KIF3A: variants seen among roughly 807,000 people sequenced by gnomAD.
KIF3A encodes kinesin family member 3A.
A neutral mutation model predicts 92.6 loss-of-function variants in KIF3A; 27 were observed. The observed-to-expected ratio is 0.29, with a 90% CI of 0.21 to 0.40. The LOEUF (loss-of-function observed/expected upper bound fraction) is 0.40, where lower values mean the gene tolerates loss of function less well. Among genes scored for constraint, KIF3A ranks in the 10% least tolerant of loss-of-function variants. The pLI is 1.00. For synonymous variants in KIF3A, 250 were observed against 275.4 expected (o/e 0.91, Z 0.92); for missense variants, 581 against 872.6 (o/e 0.67, Z 4.21).
intron 4 of KIF3A, among the ~76,000 whole-genome samples, chr5:132,724,802 AAAAAAT>A (rs1753954086): frequency 9.0e-5 from 3 of 33,324 alleles, no homozygotes; most frequent in Admixed American, 3.5e-4. Flanking sequence ...TAAAAAAAAA[AAAAAAT>A]ATATATATAT....
intron 1 of KIF3A, among the ~76,000 whole-genome samples, chr5:132,735,034 C>G (rs115715171): frequency 2.0e-5 from 3 of 151,980 alleles, no homozygotes; most frequent in African/African-American, 7.3e-5. Context: ...TATTACCTAA[C>G]CTTATAAGCA....
At chr5:132,700,104 G>T in intron 17 of KIF3A, 112 bp downstream of exon 17, 2 of 657,298 alleles carry the variant, frequency 3.0e-6, no homozygotes, top group Non-Finnish European at 5.2e-6. Flanking sequence ...CCATTTTTCA[G>T]CAGAGCTGAT....
chr5:132,735,326 C>T (rs1029449581), intron 1 of KIF3A, among the ~76,000 whole-genome samples: 7 of 152,148 alleles, frequency 4.6e-5, no homozygotes, highest in African/African-American at 1.7e-4. Context: ...CCACCCACCT[C>T]GGCCTCCCAA....
rs558637552 is a variant in KIF3A at position 132,713,998 on chromosome 5, G to C, written c.1129+1759C>G. ...TGCCACCTCCACCTTCCAGGTTCAA[G>C]TGATCCTCCTGCCTCAGCCTCCCAA... is the stretch of plus-strand genomic sequence containing the variant. On this transcript the variant is annotated intron_variant, in intron 8 of 18. Transcript: ENST00000403231. Among the ~76,000 whole-genome samples, 3 of 141,226 alleles carry C rather than the reference G, an allele frequency of 2.1e-5. No homozygotes were observed. The Admixed American group carries it at 2.3e-4, about 11-fold the overall frequency. The allele number at this position is 141,226 out of a possible 152,430, so 92.6% of individuals were successfully genotyped here. A position where few individuals can be genotyped will look rare whatever the true frequency, so the allele number is the denominator to read the frequency against.
In KIF3A at chr5:132,696,437, C is replaced by T. The variant is rs1050963276; in HGVS notation, c.*197G>A. The T allele has an allele frequency of 1.9e-5, 10 of 523,796 alleles. No homozygotes were observed. Among genetic ancestry groups the T allele is most frequent in the African/African-American group, 1.7e-4 (9 of 52,442 alleles). 32.4% of individuals were successfully genotyped at this position (523,796 alleles called of 1,614,324 possible). A position where few individuals can be genotyped will look rare whatever the true frequency, so the allele number is the denominator to read the frequency against. ...AGTAGTACAACAATTTGAACAATCA[C>T]CAGTTGTACAATTTTAATGTTATAT... On this transcript the variant is annotated 3_prime_UTR_variant, in exon 19 of 19. Coordinates refer to ENST00000403231, the MANE Select transcript of KIF3A (RefSeq NM_001300791.2).
intron 1 of KIF3A, chr5:132,736,881 C>A: frequency 2.6e-6 from 1 of 378,798 alleles, no homozygotes; most frequent in Non-Finnish European, 5.3e-6. Flanking sequence ...CATAACACCG[C>A]CACACACACA....
At chr5:132,727,859 C>T (rs189359950) in intron 2 of KIF3A, among the ~76,000 whole-genome samples, 81 of 152,242 alleles carry the variant, frequency 5.3e-4, no homozygotes, top group Middle Eastern at 3.4e-3. Flanking sequence ...GAAAACGGTT[C>T]CTCAACTAAT....
At chr5:132,689,384 G>A (rs970822445), downstream of KIF3A, among the ~76,000 whole-genome samples, 7 of 152,118 alleles carry the variant, frequency 4.6e-5, no homozygotes, top group Admixed American at 2.0e-4. Context: ...AAAAGATTAA[G>A]ACAGAAAATA....
Position 132,702,138 on chromosome 5 carries a change from C to A in KIF3A, c.1833G>T (p.Glu611Asp), listed in dbSNP as rs1441407508. ...CAATAATAAGCATCTGAAGTCGAAG[C>A]TCCCGGCTAAGTTGCCGAATGTTCT... is the stretch of plus-strand genomic sequence containing the variant. ...LLENIRQLSR[E>D]LRLQMLIIDN... The change falls in exon 15 of 19, where the codon GAG (glutamate) becomes GAT (aspartate). Residue 611 changes from glutamate (E) to aspartate (D), a missense_variant. Physicochemically the swap from Glu to Asp is conservative, Grantham distance 45. Around this residue, in one of 5 missense-constraint regions of KIF3A, gnomAD observed 112 missense variants for 144.3 expected, o/e 0.78. Transcript: ENST00000403231. The A allele has an allele frequency of 4.3e-6, 7 of 1,613,818 alleles. No individual in the cohort carries two copies. In the Admixed American group the frequency reaches 1.2e-4, roughly 27 times the overall value.
rs556182880 is a variant in KIF3A, at chr5:132,694,626, C to T, written c.*2008G>A. 4 of 150,354 alleles carry T rather than the reference C, an allele frequency of 2.7e-5. No individual in the cohort carries two copies. Among genetic ancestry groups the T allele is most frequent in the African/African-American group, 7.5e-5 (3 of 40,134 alleles). The allele number at this position is 150,354 out of a possible 1,614,324, so 9.3% of individuals were successfully genotyped here. ...AGAAACATGAACTTTTAAAAAGAAG[C>T]GTTTTTTTTAAACTGGTAAAATTAA... On this transcript the variant is annotated 3_prime_UTR_variant, in exon 19 of 19. Coordinates refer to ENST00000403231, the MANE Select transcript of KIF3A (RefSeq NM_001300791.2).
chr5:132,692,020 A>C (rs1259544129), downstream of KIF3A, among the ~76,000 whole-genome samples: 1 of 152,010 alleles, frequency 6.6e-6, no homozygotes, highest in Non-Finnish European at 1.5e-5. Context: ...AATCAAACTA[A>C]ATGTCCATCA....
At position 132,702,306 on chromosome 5, in the gene KIF3A, T is replaced by A. The variant is rs893712041; in HGVS notation, c.1759-94A>T. On this transcript the variant is annotated intron_variant, in intron 14 of 18. Coordinates refer to ENST00000403231, the MANE Select transcript of KIF3A (RefSeq NM_001300791.2). ...TAGGATGCTTGTCTAAGAAACCTTGTGAGAGCTTACCTAGTTCTTTTATAA... is the reference window on the plus strand; with the variant it reads ...TAGGATGCTTGTCTAAGAAACCTTGAGAGAGCTTACCTAGTTCTTTTATAA... 6.6e-6 allele frequency: 8 copies of A among 1,219,736 alleles called. No homozygotes were observed. In the Admixed American group the frequency reaches 1.7e-4, roughly 25 times the overall value. 75.6% of individuals were successfully genotyped at this position (1,219,736 alleles called of 1,614,324 possible). A position where few individuals can be genotyped will look rare whatever the true frequency, so the allele number is the denominator to read the frequency against.
chr5:132,722,604 C>T (rs2299003), intron 4 of KIF3A, among the ~76,000 whole-genome samples: 89,116 of 151,992 alleles, frequency 0.59, 28,363 homozygotes, highest in Non-Finnish European at 0.74. Context: ...TTATAATTAT[C>T]TGAGTCTAGA....
Position 132,700,716 on chromosome 5 carries a change from AAGAT to A in KIF3A, c.1885-20_1885-17del, listed in dbSNP as rs775541704. ...CAATCATTTCCTTTTAAAAGGGTGA[AAGAT>A]AGCCTATTTTTAATATTTAATAACA... is the stretch of plus-strand genomic sequence containing the variant. On this transcript the variant is annotated splice_polypyrimidine_tract_variant and intron_variant, in intron 15 of 18. Transcript: ENST00000403231. 7.8e-5 allele frequency: 119 copies of A among 1,529,124 alleles called. No homozygotes were observed. The highest frequency in any genetic ancestry group is 1.7e-4 in the Admixed American group (10 of 59,100). The allele number at this position is 1,529,124 out of a possible 1,614,324, so 94.7% of individuals were successfully genotyped here.
At chr5:132,708,750 A>T (rs990814983) in intron 10 of KIF3A, among the ~76,000 whole-genome samples, 157 bp downstream of exon 10, 2 of 152,226 alleles carry the variant, frequency 1.3e-5, no homozygotes, top group Non-Finnish European at 2.9e-5. Context: ...GAAGCAATGA[A>T]AGGGGGTGGA....
intron 2 of KIF3A, among the ~76,000 whole-genome samples, chr5:132,729,198 G>C (rs1581099657): frequency 3.3e-5 from 5 of 152,120 alleles, no homozygotes; most frequent in Admixed American, 3.3e-4. Context: ...TGGGTGATGG[G>C]TGCACCAAAA....
intron 17 of KIF3A, 21 bp downstream of exon 17, chr5:132,700,194 GT>G (rs746719454): frequency 8.8e-5 from 119 of 1,352,606 alleles, no homozygotes; most frequent in African/African-American, 1.3e-4. Flanking sequence ...GTTTTGTTTT[GT>G]TTTTTTTTAA....
At chr5:132,692,564 C>G (rs1310079415), downstream of KIF3A, 2 of 152,302 alleles carry the variant, frequency 1.3e-5, no homozygotes, top group East Asian at 3.7e-4. Flanking sequence ...AGAACCTGCT[C>G]ATTAATATCA....
At chr5:132,698,472 G>A (rs1752912507) in intron 18 of KIF3A, among the ~76,000 whole-genome samples, 1 of 152,150 alleles carries the variant, frequency 6.6e-6, no homozygotes, top group Non-Finnish European at 1.5e-5. Flanking sequence ...TGGTGACTGA[G>A]GAAATCAAGG....
Sources: allele counts gnomAD v4.1 joint callset (sites outside exome capture counted in the v4.1 genomes callset), GRCh38; gene constraint gnomAD v4.1.1; regional missense constraint gnomAD v4.1.1; transcripts MANE v1.5; gene names NCBI Gene and HGNC (gene_info 2026-07-23, HGNC 2026-07-21).